Variants in ERC2 observed in about 807,000 individuals in gnomAD.
ERC2 encodes ELKS/RAB6-interacting/CAST family member 2, also known as ERC protein 2.
In ERC2, 42 loss-of-function variants were observed where a neutral mutation model predicts 114.8. That is an observed-to-expected ratio of 0.37 (90% CI 0.29 to 0.47). ERC2 has a LOEUF of 0.47. ERC2 is among the 20% of genes least tolerant of loss of function. The pLI, the probability that ERC2 is intolerant of heterozygous loss-of-function variation, is 0.99. For missense variants in ERC2, 939 were observed against 1,150.7 expected, an observed-to-expected ratio of 0.82 and a Z score of 2.66; for synonymous variants, 454 against 425.5, an observed-to-expected ratio of 1.07 and a Z score of -0.82.
chr3:56,208,261 G>A (rs996352737), intron 3 of ERC2, among the ~76,000 whole-genome samples: 1 of 152,108 alleles, frequency 6.6e-6, no homozygotes, highest in Non-Finnish European at 1.5e-5. Flanking sequence ...ATTAACTGTT[G>A]CCAGGAATAT....
chr3:55,522,839 G>A (rs1173559756), intron 17 of ERC2, among the ~76,000 whole-genome samples: 2 of 152,204 alleles, frequency 1.3e-5, no homozygotes, highest in East Asian at 3.8e-4. Context: ...TCTCCCATCT[G>A]TTATGGGGCT....
At chr3:56,463,642 T>C (rs769897241) in intron 1 of ERC2, among the ~76,000 whole-genome samples, 8 of 152,226 alleles carry the variant, frequency 5.3e-5, no homozygotes, top group Non-Finnish European at 8.8e-5. Context: ...CAATAGAAGT[T>C]AAGCTATAAA....
intron 15 of ERC2, among the ~76,000 whole-genome samples, chr3:55,710,915 G>A (rs1364081675): frequency 1.3e-5 from 2 of 152,180 alleles, no homozygotes; most frequent in African/African-American, 4.8e-5. Flanking sequence ...GGGAAGGTTA[G>A]TTGCTGATGG....
At chr3:55,701,993 C>T (rs1472085912) in intron 15 of ERC2, among the ~76,000 whole-genome samples, 1 of 152,168 alleles carries the variant, frequency 6.6e-6, no homozygotes, top group Non-Finnish European at 1.5e-5. Flanking sequence ...AATAATTCTG[C>T]TATTGTAAAC....
At chr3:55,575,190 T>G (rs1008520552) in intron 17 of ERC2, among the ~76,000 whole-genome samples, 1 of 152,126 alleles carries the variant, frequency 6.6e-6, no homozygotes, top group African/African-American at 2.4e-5. Context: ...AATTTTTTGG[T>G]ATTTTTTAGT....
chr3:56,025,410 A>G (rs1576605851), intron 7 of ERC2, among the ~76,000 whole-genome samples: 1 of 152,172 alleles, frequency 6.6e-6, no homozygotes, highest in South Asian at 2.1e-4. Flanking sequence ...CAGTTTGGCT[A>G]AGTTCCCATC....
intron 17 of ERC2, among the ~76,000 whole-genome samples, chr3:55,583,383 T>TTCCTTCC (rs758951465): frequency 4.7e-5 from 6 of 126,486 alleles, no homozygotes; most frequent in Admixed American, 7.9e-5. Context: ...TCTTTCCTTC[T>TTCCTTCC]TTCTTTCCTT....
intron 17 of ERC2, among the ~76,000 whole-genome samples, chr3:55,529,515 A>G (rs1158736235): frequency 6.6e-6 from 1 of 152,206 alleles, no homozygotes; most frequent in Non-Finnish European, 1.5e-5. Flanking sequence ...TTGCAAATAT[A>G]TGCAAGATAA....
chr3:55,735,371 T>C (rs942342749), intron 14 of ERC2, among the ~76,000 whole-genome samples: 1 of 152,284 alleles, frequency 6.6e-6, no homozygotes, highest in East Asian at 1.9e-4. Flanking sequence ...AAGGGCATGG[T>C]GGTAGCTTCC....
intron 2 of ERC2, among the ~76,000 whole-genome samples, chr3:56,309,009 C>G (rs959619390): frequency 1.7e-4 from 26 of 152,214 alleles, no homozygotes; most frequent in African/African-American, 6.3e-4. Context: ...CTGTACAACA[C>G]TCTTCATGAC....
chr3:55,902,779 C>T (rs568018440), intron 13 of ERC2, among the ~76,000 whole-genome samples: 2 of 152,144 alleles, frequency 1.3e-5, no homozygotes, highest in African/African-American at 4.8e-5. Flanking sequence ...GCTCCTAGGA[C>T]CAGTTACTCT....
intron 2 of ERC2, among the ~76,000 whole-genome samples, chr3:56,412,393 A>G (rs2060975234): frequency 6.6e-6 from 1 of 152,218 alleles, no homozygotes; most frequent in Non-Finnish European, 1.5e-5. Flanking sequence ...AAACTAATAT[A>G]ATGAGTCATG....
intron 3 of ERC2, among the ~76,000 whole-genome samples, chr3:56,186,161 A>T: frequency 6.8e-6 from 1 of 146,920 alleles, no homozygotes; most frequent in Non-Finnish European, 1.5e-5. Context: ...AGCCCTGATG[A>T]TACTTAATTT....
At chr3:56,327,321 T>C (rs546100142) in intron 2 of ERC2, among the ~76,000 whole-genome samples, 30 of 152,072 alleles carry the variant, frequency 2.0e-4, no homozygotes, top group Non-Finnish European at 4.1e-4. Context: ...TACCAAACAC[T>C]TACAAAAGCA....
chr3:55,996,338 T>C (rs2071508436), intron 10 of ERC2, among the ~76,000 whole-genome samples: 2 of 152,174 alleles, frequency 1.3e-5, no homozygotes, highest in African/African-American at 2.4e-5. Context: ...ACCATGAATA[T>C]AGCAAGCTCA....
At chr3:55,809,030 C>T (rs1403181735) in intron 14 of ERC2, among the ~76,000 whole-genome samples, 2 of 151,552 alleles carry the variant, frequency 1.3e-5, no homozygotes. Context: ...AGCTATGTCC[C>T]CCAGTGCAGT....
At chr3:56,373,771 T>C (rs1465958574) in intron 2 of ERC2, among the ~76,000 whole-genome samples, 2 of 152,258 alleles carry the variant, frequency 1.3e-5, no homozygotes, top group Non-Finnish European at 2.9e-5. Context: ...AATTATTTTT[T>C]ATTTCCTAAA....
At chr3:56,302,033 C>T (rs1253808910) in intron 2 of ERC2, among the ~76,000 whole-genome samples, 3 of 152,184 alleles carry the variant, frequency 2.0e-5, no homozygotes, top group Non-Finnish European at 4.4e-5. Flanking sequence ...TTCAGAAAGA[C>T]ATAAACCATC....
At chr3:56,375,407 C>G (rs1295508011) in intron 2 of ERC2, among the ~76,000 whole-genome samples, 2 of 152,208 alleles carry the variant, frequency 1.3e-5, no homozygotes, top group Non-Finnish European at 2.9e-5. Flanking sequence ...GAGGAAGACA[C>G]TGGTGGCTAG....
Sources: allele counts gnomAD v4.1 joint callset (sites outside exome capture counted in the v4.1 genomes callset), GRCh38; gene constraint gnomAD v4.1.1; transcripts MANE v1.5; gene names NCBI Gene and HGNC (gene_info 2026-07-23, HGNC 2026-07-21).